The following WASHC5 variants were observed in gnomAD, a reference collection of about 807,000 sequenced individuals.
WASHC5 encodes WASH complex subunit 5, also known as WASH complex subunit strumpellin.
A neutral mutation model predicts 150.4 loss-of-function variants in WASHC5; 101 were observed. That is an observed-to-expected ratio of 0.67 (90% CI 0.57 to 0.79). WASHC5 has a LOEUF of 0.79. Ranked by LOEUF, WASHC5 falls within the 30% of genes least tolerant of loss-of-function variation. WASHC5 has a pLI of 0.00. For missense variants in WASHC5, 1,195 were observed against 1,396.3 expected (o/e 0.86, Z 2.30); for synonymous variants, 467 against 491.2 (o/e 0.95, Z 0.65).
At chr8:125,057,702 CAA>C in intron 14 of WASHC5, 36 bp from the exon 15 acceptor site, 1 of 1,286,948 alleles carries the variant, frequency 7.8e-7, no homozygotes, top group Non-Finnish European at 1.1e-6. Flanking sequence ...TTTCTTGTTT[CAA>C]AAAGAGTCCT....
intron 24 of WASHC5, among the ~76,000 whole-genome samples, chr8:125,039,221 T>C (rs1011119133): frequency 2.6e-5 from 4 of 152,210 alleles, no homozygotes; most frequent in Non-Finnish European, 5.9e-5. Flanking sequence ...CTGTTCTTAA[T>C]ACCTGCTTTG....
intron 10 of WASHC5, among the ~76,000 whole-genome samples, chr8:125,063,857 T>C (rs1037944121): frequency 2.6e-5 from 4 of 152,188 alleles, no homozygotes; most frequent in African/African-American, 9.6e-5. Flanking sequence ...ACAGTAGTTC[T>C]CACACCAACA....
Position 125,049,182 on chromosome 8 carries a change from TTGGCTG to T in WASHC5, c.2200-3_2202del, listed in dbSNP as rs1367503122. 2 of 1,614,046 alleles carry T rather than the reference TTGGCTG, an allele frequency of 1.2e-6. No individual in the cohort carries two copies. The highest frequency in any genetic ancestry group is 1.7e-6 in the Non-Finnish European group (2 of 1,180,014). On this transcript the variant is annotated splice_acceptor_variant and splice_polypyrimidine_tract_variant and coding_sequence_variant and intron_variant, in exon 19 of 29. Transcript: ENST00000318410. LOFTEE classifies it high-confidence loss of function. ...TCTTTCAGCTTGGGCATCAATTCACTTGGCTGTGGAAAAGGGGAAACATAAAGCTCT... is the reference window on the plus strand; with the variant it reads ...TCTTTCAGCTTGGGCATCAATTCACTTGGAAAAGGGGAAACATAAAGCTCT...
intron 1 of WASHC5, among the ~76,000 whole-genome samples, chr8:125,091,185 G>A (rs1817621834): frequency 6.6e-6 from 1 of 151,918 alleles, no homozygotes; most frequent in South Asian, 2.1e-4. Flanking sequence ...ACAGGTGAAG[G>A]CATTAAGGCG....
At position 125,047,237 on chromosome 8, in the gene WASHC5, C is replaced by A. The variant is rs553109938; in HGVS notation, c.2474G>T (p.Cys825Phe). 6.2e-7 allele frequency: 1 copy of A among 1,614,094 alleles called. No individual in the cohort carries two copies. Among genetic ancestry groups the A allele is most frequent in the East Asian group, 2.2e-5 (1 of 44,870 alleles). The part of the protein sequence containing the change: ...DESVTFIGRL[C>F]REILRITDPK... The stretch of plus-strand genomic sequence containing the variant: ...GTCTGTGATCCGCAGGATTTCTCTG[C>A]AGAGTCGACCAATAAACGTTACAGA... The change falls in exon 20 of 29, where the codon TGC becomes TTC. Residue 825 changes from cysteine (C) to phenylalanine (F), a missense_variant. Cys to Phe is a radical substitution (Grantham distance 205, BLOSUM62 -2). Transcript: ENST00000318410.
rs114281354 is a variant in WASHC5 at position 125,066,242 on chromosome 8, T to C, written c.1278+1350A>G. ...TGCCCAGACAAATCACTGAAAACAC[T>C]AAGCACAGGCATTATCATTATGTTA... On this transcript the variant is annotated intron_variant, in intron 10 of 28. Coordinates refer to ENST00000318410, the MANE Select transcript of WASHC5 (RefSeq NM_014846.4). Among the ~76,000 whole-genome samples, 1,076 of 152,346 alleles carry C rather than the reference T, an allele frequency of 7.1e-3. 14 individuals are homozygous for C. The highest frequency in any genetic ancestry group is 0.024 in the African/African-American group (1,007 of 41,578).
rs1429858547 is a variant in WASHC5 at position 125,067,737 on chromosome 8, G to A, written c.1151-18C>T. The A allele has an allele frequency of 1.2e-6, 2 of 1,612,140 alleles. No individual in the cohort carries two copies. Among genetic ancestry groups the A allele is most frequent in the Admixed American group, 1.7e-5 (1 of 59,986 alleles). The stretch of plus-strand genomic sequence containing the variant: ...GTCACAGGCTAGAAACAGGAAAAGT[G>A]TTACCTGCTTACTAAATGTGTAGAA... On this transcript the variant is annotated intron_variant, in intron 9 of 28. Transcript: ENST00000318410.
Position 125,073,304 on chromosome 8 carries a change from G to A in WASHC5, c.999C>T (p.Val333=). The change falls in exon 9 of 29, where the codon GTC becomes GTT. Residue 333 remains valine (V), a synonymous_variant. Coordinates refer to ENST00000318410, the MANE Select transcript of WASHC5 (RefSeq NM_014846.4). ...VREQASRYAT[V]SERVHAQVQQ... Reference sequence around the variant, plus strand: ...GCACTTGAGCATGCACTCTTTCACTGACAGTAGCATATCTGCTTGCCTTGA... The same window carrying A: ...GCACTTGAGCATGCACTCTTTCACTAACAGTAGCATATCTGCTTGCCTTGA... 2 of 1,613,836 alleles carry A rather than the reference G, an allele frequency of 1.2e-6. No homozygotes were observed. The highest frequency in any genetic ancestry group is 1.7e-6 in the Non-Finnish European group (2 of 1,179,772).
rs142883794 is a variant in WASHC5 at position 125,038,942 on chromosome 8, A to G, written c.2972T>C (p.Ile991Thr). 65 of 1,613,836 alleles carry G rather than the reference A, an allele frequency of 4.0e-5. No individual in the cohort carries two copies. Among genetic ancestry groups the G allele is most frequent in the Non-Finnish European group, 4.8e-5 (57 of 1,179,840 alleles). ...TGAAGGGTCCTGATAGTGGGCTTCA[A>G]TGTCTGCTAGGAGAGCCCTAAAGGA... is the stretch of plus-strand genomic sequence containing the variant. ...ENLNKALLAD[I>T]EAHYQDPSLP... Residue 991 changes from isoleucine (I) to threonine (T), a missense_variant, in exon 25 of 29, where the codon ATT becomes ACT. This residue lies in a region of WASHC5 where 997 missense variants were observed against 1,168.1 expected (regional missense o/e 0.85). Transcript: ENST00000318410.
At chr8:125,043,960 A>AT in intron 22 of WASHC5, 32 bp downstream of exon 22, 4 of 1,443,108 alleles carry the variant, frequency 2.8e-6, no homozygotes, top group Non-Finnish European at 3.7e-6. Context: ...CTACAGTGTC[A>AT]TCCCCGCCTC....
At chr8:125,078,022 T>C (rs1817115861) in intron 6 of WASHC5, among the ~76,000 whole-genome samples, 1 of 152,240 alleles carries the variant, frequency 6.6e-6, no homozygotes, top group East Asian at 1.9e-4. Flanking sequence ...ATAAATGATA[T>C]CCACAGTTAT....
chr8:125,053,799 G>A (rs1816320466), intron 17 of WASHC5, among the ~76,000 whole-genome samples: 4 of 152,220 alleles, frequency 2.6e-5, no homozygotes, highest in Non-Finnish European at 5.9e-5. Context: ...ATATGAATGG[G>A]CCCATCGCTA....
intron 9 of WASHC5, among the ~76,000 whole-genome samples, chr8:125,070,200 A>T (rs1816858711): frequency 6.6e-6 from 1 of 152,268 alleles, no homozygotes; most frequent in Non-Finnish European, 1.5e-5. Flanking sequence ...AAATGCCTCC[A>T]GCAACTCAAC....
At chr8:125,062,690 A>G (rs1816632891) in intron 11 of WASHC5, among the ~76,000 whole-genome samples, 1 of 152,230 alleles carries the variant, frequency 6.6e-6, no homozygotes, top group Non-Finnish European at 1.5e-5. Context: ...AAAAGCTAAA[A>G]TACAGTAATC....
chr8:125,030,979 T>G (rs1343097714), intron 27 of WASHC5, among the ~76,000 whole-genome samples: 2 of 152,208 alleles, frequency 1.3e-5, no homozygotes, highest in Admixed American at 1.3e-4. Flanking sequence ...TTATTCTGTA[T>G]GATTTCAAAA....
intron 23 of WASHC5, among the ~76,000 whole-genome samples, chr8:125,042,615 T>C (rs1815925634): frequency 6.6e-6 from 1 of 152,166 alleles, no homozygotes; most frequent in Admixed American, 6.5e-5. Context: ...GGGAAAACCT[T>C]CCAGTTTCTT....
At chr8:125,041,007 TAG>T (rs1289780349) in intron 23 of WASHC5, among the ~76,000 whole-genome samples, 1 of 152,222 alleles carries the variant, frequency 6.6e-6, no homozygotes, top group Non-Finnish European at 1.5e-5. Context: ...ATCTGTGATA[TAG>T]AGTTATGCTA....
At chr8:125,082,812 A>G (rs1489565285) in intron 3 of WASHC5, 1 of 362,270 alleles carries the variant, frequency 2.8e-6, no homozygotes, top group East Asian at 5.3e-5. Context: ...GATAAAGATA[A>G]GTTCTTTTTC....
At position 125,076,452 on chromosome 8, in the gene WASHC5, G is replaced by C; in HGVS notation, c.760C>G (p.Gln254Glu). The change falls in exon 7 of 29, where the codon CAA becomes GAA. Residue 254 changes from glutamine to glutamate, a missense_variant. By Grantham distance (29) the Gln-to-Glu change is conservative. Transcript: ENST00000318410. ...AGAATCACGTACAGCATGGCAGCTT[G>C]GTTTGCCAGGGCTGTGCTGCGATGC... ...PEHRSTALAN[Q>E]AAMLYVILYF... 6.2e-7 allele frequency: 1 copy of C among 1,614,010 alleles called. No homozygotes were observed. The highest frequency in any genetic ancestry group is 8.5e-7 in the Non-Finnish European group (1 of 1,179,956).
Sources: allele counts gnomAD v4.1 joint callset (sites outside exome capture counted in the v4.1 genomes callset), GRCh38; gene constraint gnomAD v4.1.1; regional missense constraint gnomAD v4.1.1; transcripts MANE v1.5; gene names NCBI Gene and HGNC (gene_info 2026-07-23, HGNC 2026-07-21).